Variants in DTX1 observed in about 807,000 individuals in gnomAD.
The protein encoded by DTX1 is E3 ubiquitin-protein ligase DTX1.
Under a neutral mutation model 57.8 loss-of-function variants are expected in DTX1, and 26 were observed. That is an observed-to-expected ratio of 0.45 (90% confidence interval 0.33 to 0.62). The LOEUF (loss-of-function observed/expected upper bound fraction) is 0.62, where lower values mean the gene tolerates loss of function less well. Among genes scored for constraint, DTX1 ranks in the 20% least tolerant of loss-of-function variants. The pLI is 0.02. For synonymous variants in DTX1, 398 were observed against 394.1 expected (o/e 1.01, Z -0.12); for missense variants, 704 against 895.3 (o/e 0.79, Z 2.73).
chr12:113,066,394 G>C (rs753818468), intron 2 of DTX1, among the ~76,000 whole-genome samples: 10 of 152,106 alleles, frequency 6.6e-5, no homozygotes, highest in African/African-American at 2.2e-4. Flanking sequence ...TGGGCATGGT[G>C]GTGGGCGCCT....
chr12:113,060,199 G>A (rs918899323), intron 2 of DTX1, among the ~76,000 whole-genome samples: 4 of 152,168 alleles, frequency 2.6e-5, no homozygotes, highest in African/African-American at 9.7e-5. Context: ...GGTGCCAATT[G>A]TTCATGCATT....
At chr12:113,075,922 A>G (rs530634991) in intron 2 of DTX1, among the ~76,000 whole-genome samples, 1 of 152,228 alleles carries the variant, frequency 6.6e-6, no homozygotes, top group South Asian at 2.1e-4. Context: ...AGCAGTAAAT[A>G]AAACAAAATC....
intron 2 of DTX1, among the ~76,000 whole-genome samples, chr12:113,061,837 A>G (rs2044666306): frequency 6.6e-6 from 1 of 151,914 alleles, no homozygotes; most frequent in Admixed American, 6.6e-5. Flanking sequence ...AGTAGCTGGC[A>G]TTACAGGCAA....
At chr12:113,085,904 G>A (rs914372816) in intron 3 of DTX1, among the ~76,000 whole-genome samples, 3 of 152,126 alleles carry the variant, frequency 2.0e-5, no homozygotes, top group Non-Finnish European at 4.4e-5. Flanking sequence ...AAGGATGTAG[G>A]GAGTGATGAG....
chr12:113,061,506 C>G (rs545721758), intron 2 of DTX1, among the ~76,000 whole-genome samples: 1 of 152,334 alleles, frequency 6.6e-6, no homozygotes, highest in Admixed American at 6.5e-5. Flanking sequence ...ACGGTGTGAC[C>G]TCAGGCCTCT....
chr12:113,097,029 G>C lies in DTX1; in HGVS notation c.*90G>C. 7.1e-7 allele frequency: 1 copy of C among 1,406,080 alleles called. No individual in the cohort carries two copies. Among genetic ancestry groups the C allele is most frequent in the Non-Finnish European group, 9.5e-7 (1 of 1,053,808 alleles). 87.1% of individuals were successfully genotyped at this position (1,406,080 alleles called of 1,614,324 possible). On this transcript the variant is annotated 3_prime_UTR_variant, in exon 10 of 10. Transcript: ENST00000548759. ...GTGTGTCCTGGTAGCCCAGGTTCAG[G>C]GCTGGGGAGGAGCCTGCGGAAGGGG...
rs147392921 is a variant in DTX1 at position 113,085,454 on chromosome 12, G to A, written c.941+7349G>A. Among the ~76,000 whole-genome samples the A allele has an allele frequency of 6.0e-4, 92 of 152,244 alleles. 1 individual carries two copies. The highest frequency in any genetic ancestry group is 2.3e-3 in the South Asian group (11 of 4,822). ...CTAAAGAGACGTCATTTAAGTTTCCGTACCCTTGGTTCTTAGTTGAACCTG... is the reference window on the plus strand; with the variant it reads ...CTAAAGAGACGTCATTTAAGTTTCCATACCCTTGGTTCTTAGTTGAACCTG... On this transcript the variant is annotated intron_variant, in intron 3 of 9. Coordinates refer to ENST00000548759, the MANE Select transcript of DTX1 (RefSeq NM_004416.3).
intron 2 of DTX1, among the ~76,000 whole-genome samples, chr12:113,060,239 T>C (rs58273997): frequency 6.6e-6 from 1 of 152,174 alleles, no homozygotes; most frequent in Non-Finnish European, 1.5e-5. Context: ...TGATCTCTGC[T>C]GTGTGTCAAT....
chr12:113,058,154 G>T lies in DTX1; in HGVS notation c.-39G>T, dbSNP rs375936872. On this transcript the variant is annotated 5_prime_UTR_variant, in exon 2 of 10. Coordinates refer to ENST00000548759, the MANE Select transcript of DTX1 (RefSeq NM_004416.3). ...GCCAGGCCCAGGAGGAGCTGGGCCT[G>T]CAATAGTGGGGGACCTGGCCCCTGA... 166 of 1,552,806 alleles carry T rather than the reference G, an allele frequency of 1.1e-4. 1 individual carries two copies. Among genetic ancestry groups the T allele is most frequent in the Middle Eastern group, 9.2e-4 (4 of 4,348 alleles).
Position 113,057,466 on chromosome 12 carries a change from G to C in DTX1, c.-727G>C, listed in dbSNP as rs1592838595. On this transcript the variant is annotated 5_prime_UTR_variant, in exon 2 of 10. Coordinates refer to ENST00000548759, the MANE Select transcript of DTX1 (RefSeq NM_004416.3). ...CCTGGCAGGTCGCGAGCACGAGTGGGGTGGGGCGTGCCCACGGGCCCCCGC... is the reference window on the plus strand; with the variant it reads ...CCTGGCAGGTCGCGAGCACGAGTGGCGTGGGGCGTGCCCACGGGCCCCCGC... 6.6e-6 allele frequency: 1 copy of C among 152,458 alleles called. No individual in the cohort carries two copies. Among genetic ancestry groups the C allele is most frequent in the Middle Eastern group, 3.4e-3 (1 of 296 alleles). 9.4% of individuals were successfully genotyped at this position (152,458 alleles called of 1,614,324 possible). A position where few individuals can be genotyped will look rare whatever the true frequency, so the allele number is the denominator to read the frequency against.
At chr12:113,084,576 C>T (rs1185112259) in intron 3 of DTX1, among the ~76,000 whole-genome samples, 6 of 152,108 alleles carry the variant, frequency 3.9e-5, no homozygotes, top group Non-Finnish European at 8.8e-5. Context: ...TAGAGATGGG[C>T]GTCTCACTAT....
chr12:113,085,296 C>T (rs1164829949), intron 3 of DTX1, among the ~76,000 whole-genome samples: 1 of 152,200 alleles, frequency 6.6e-6, no homozygotes, highest in Non-Finnish European at 1.5e-5. Flanking sequence ...GCAATCCACC[C>T]ACCTTAGCCT....
At chr12:113,062,183 T>C (rs1312283538) in intron 2 of DTX1, among the ~76,000 whole-genome samples, 7 of 152,166 alleles carry the variant, frequency 4.6e-5, no homozygotes, top group African/African-American at 1.7e-4. Context: ...GAAGCTGAAC[T>C]TGAACTTTGA....
At chr12:113,066,317 T>C (rs1317135493) in intron 2 of DTX1, among the ~76,000 whole-genome samples, 3 of 151,948 alleles carry the variant, frequency 2.0e-5, no homozygotes, top group East Asian at 1.9e-4. Flanking sequence ...TCACCTGAGG[T>C]CAGGAGTTCG....
rs528674219 is a variant in DTX1 at position 113,059,234 on chromosome 12, G to A, written c.259+783G>A. Among the ~76,000 whole-genome samples the A allele has an allele frequency of 2.6e-4, 39 of 152,234 alleles. No individual in the cohort carries two copies. In the East Asian group the frequency reaches 6.9e-3, roughly 27 times the overall value. ...TGTTGGTGGTGATGTCAGTGATAGC[G>A]TTAACCATGGGATTCAGTGGTGTTG... On this transcript the variant is annotated intron_variant, in intron 2 of 9. Coordinates refer to ENST00000548759, the MANE Select transcript of DTX1 (RefSeq NM_004416.3).
chr12:113,083,975 T>C (rs2044836720), intron 3 of DTX1, among the ~76,000 whole-genome samples: 2 of 152,212 alleles, frequency 1.3e-5, no homozygotes, highest in Admixed American at 1.3e-4. Context: ...AAGGATCAGC[T>C]TGCAAGGGAG....
At chr12:113,078,563 C>T (rs1049235016) in intron 3 of DTX1, among the ~76,000 whole-genome samples, 6 of 152,154 alleles carry the variant, frequency 3.9e-5, no homozygotes, top group African/African-American at 1.4e-4. Context: ...ATTTATTCCA[C>T]CAAACAGTTC....
intron 3 of DTX1, among the ~76,000 whole-genome samples, chr12:113,088,134 C>G (rs187455334): frequency 6.6e-6 from 1 of 152,334 alleles, no homozygotes; most frequent in East Asian, 1.9e-4. Flanking sequence ...ACTCCAGGAC[C>G]CAGTGCCAGC....
chr12:113,079,059 G>A (rs893060365), intron 3 of DTX1, among the ~76,000 whole-genome samples: 2 of 152,052 alleles, frequency 1.3e-5, no homozygotes, highest in Admixed American at 6.6e-5. Context: ...GCAAATTCTT[G>A]GGTTAAGGTG....
Sources: allele counts gnomAD v4.1 joint callset (sites outside exome capture counted in the v4.1 genomes callset), GRCh38; gene constraint gnomAD v4.1.1; transcripts MANE v1.5; gene names NCBI Gene and HGNC (gene_info 2026-07-23, HGNC 2026-07-21).